The following LRGUK variants were observed in gnomAD, a reference collection of about 807,000 sequenced individuals.
LRGUK encodes leucine-rich repeat and guanylate kinase domain-containing protein.
Under a neutral mutation model 76.0 loss-of-function variants are expected in LRGUK, and 65 were observed. The ratio of observed to expected loss-of-function variants is 0.85; its 90% CI spans 0.70 to 1.05. LRGUK has a LOEUF of 1.05. Ranked by LOEUF, LRGUK falls within the 50% of genes least tolerant of loss-of-function variation. LRGUK has a pLI of 0.00. For synonymous variants in LRGUK, 268 were observed against 265.6 expected, an observed-to-expected ratio of 1.01 and a Z score of -0.09; for missense variants, 758 against 732.8, an observed-to-expected ratio of 1.03 and a Z score of -0.40.
rs1798566291 is a variant in LRGUK, at chr7:134,158,168, A to G, written c.795+9A>G. 1.9e-6 allele frequency: 3 copies of G among 1,609,056 alleles called. No homozygotes were observed. In the African/African-American group the frequency reaches 4.0e-5, roughly 21 times the overall value. On this transcript the variant is annotated intron_variant, in intron 6 of 15. Transcript: ENST00000645682. ...TCAAAATACTTTGTCTGGTGAGTCTAACAAAATGCTGTTCTTTATAGAAGT... is the reference window on the plus strand; with the variant it reads ...TCAAAATACTTTGTCTGGTGAGTCTGACAAAATGCTGTTCTTTATAGAAGT...
chr7:134,165,441 G>A (rs913734004), intron 7 of LRGUK, among the ~76,000 whole-genome samples: 17 of 152,182 alleles, frequency 1.1e-4, no homozygotes, highest in African/African-American at 4.1e-4. Context: ...CCTCCCTTCT[G>A]AAAGGGCCTG....
chr7:134,164,900 T>C (rs930842818), intron 7 of LRGUK, among the ~76,000 whole-genome samples: 1 of 152,234 alleles, frequency 6.6e-6, no homozygotes, highest in African/African-American at 2.4e-5. Flanking sequence ...TTTTGGCAAC[T>C]TCTCCAGTTA....
At chr7:134,182,253 G>A (rs974273930) in intron 10 of LRGUK, among the ~76,000 whole-genome samples, 1 of 152,156 alleles carries the variant, frequency 6.6e-6, no homozygotes, top group Non-Finnish European at 1.5e-5. Context: ...CTGCTTACCT[G>A]TTGAAAGACA....
At chr7:134,137,662 G>GT (rs1457030784) in intron 2 of LRGUK, among the ~76,000 whole-genome samples, 47 of 152,184 alleles carry the variant, frequency 3.1e-4, no homozygotes, top group African/African-American at 1.1e-3. Flanking sequence ...ACTCATCATA[G>GT]AGTAGCACAA....
rs922927001 is a variant in LRGUK at position 134,224,699 on chromosome 7, TA to T, written c.1983+2791del. On this transcript the variant is annotated intron_variant, in intron 16 of 19. Coordinates refer to the LRGUK transcript ENST00000285928. ...ATACCCCTGAACTTAAAATAAAAGC[TA>T]AAAAAAAAATGTCCAATCTAAATAT... 1.3e-3 allele frequency among the ~76,000 whole-genome samples: 195 copies of T among 148,358 alleles called. 3 individuals carry two copies. Among genetic ancestry groups the T allele is most frequent in the South Asian group, 4.9e-3 (23 of 4,672 alleles).
At chr7:134,131,926 A>G (rs759370788) in intron 1 of LRGUK, among the ~76,000 whole-genome samples, 2 of 152,200 alleles carry the variant, frequency 1.3e-5, no homozygotes, top group Non-Finnish European at 1.5e-5. Context: ...GAATAGACCC[A>G]TAAAGGTACA....
chr7:134,249,756 C>T (rs949591402), intron 18 of LRGUK, among the ~76,000 whole-genome samples: 1 of 152,170 alleles, frequency 6.6e-6, no homozygotes, highest in African/African-American at 2.4e-5. Context: ...CACAACAGAG[C>T]CTCCATTGCT....
intron 6 of LRGUK, among the ~76,000 whole-genome samples, chr7:134,161,294 A>G (rs1012735529): frequency 6.6e-6 from 1 of 152,088 alleles, no homozygotes; most frequent in African/African-American, 2.4e-5. Flanking sequence ...ATTAATATGG[A>G]TATGACATTA....
At position 134,191,758 on chromosome 7, in the gene LRGUK, A is replaced by T. The variant is rs998947458; in HGVS notation, c.1431+7A>T. 6.3e-7 allele frequency: 1 copy of T among 1,575,730 alleles called. No homozygotes were observed. The stretch of plus-strand genomic sequence containing the variant: ...TGATGAAATGGTGAACATGGTAAGA[A>T]TGTTTGCCTTTGTTTTTATTGCACA... On this transcript the variant is annotated splice_region_variant and intron_variant, in intron 12 of 15. Transcript: ENST00000645682.
Position 134,173,116 on chromosome 7 carries a change from T to TAA in LRGUK, c.940-1434_940-1433dup, listed in dbSNP as rs35121046. Reference sequence around the variant, plus strand: ...ACAATAGAAAACAATTGATCCCTTTTAAAAAAAGATAATCCAAATGGCAGA... The same window carrying TAA: ...ACAATAGAAAACAATTGATCCCTTTTAAAAAAAAAGATAATCCAAATGGCAGA... On this transcript the variant is annotated intron_variant, in intron 7 of 15. Transcript: ENST00000645682. 3.3e-5 allele frequency among the ~76,000 whole-genome samples: 5 copies of TAA among 152,204 alleles called. No homozygotes were observed. The East Asian group carries it at 7.7e-4, about 24-fold the overall frequency.
chr7:134,148,263 T>A, exon 5 of LRGUK: 1 of 1,605,956 alleles, frequency 6.2e-7, no homozygotes, highest in South Asian at 1.1e-5. Flanking sequence ...CACAACCAAA[T>A]TTCTGAAATT....
In LRGUK at chr7:134,127,684, C is replaced by G; in HGVS notation, c.297+20C>G. The G allele has an allele frequency of 2.5e-6, 4 of 1,601,968 alleles. No homozygotes were observed. Among genetic ancestry groups the G allele is most frequent in the South Asian group, 2.2e-5 (2 of 89,706 alleles). On this transcript the variant is annotated intron_variant, in intron 1 of 15. Transcript: ENST00000645682. ...TTGGAGGTGTGTCTTCCCCCCCACC[C>G]CGTACTCCCTGGCTCCCTCGTCCAG...
intron 9 of LRGUK, among the ~76,000 whole-genome samples, chr7:134,177,864 T>C (rs150518692): frequency 2.6e-5 from 4 of 152,314 alleles, no homozygotes; most frequent in Admixed American, 2.6e-4. Context: ...GCAAAAGGAA[T>C]ACAATTTAAA....
At chr7:134,212,136 T>C (rs181389989), downstream of LRGUK, among the ~76,000 whole-genome samples, 371 of 152,372 alleles carry the variant, frequency 2.4e-3, no homozygotes, top group Middle Eastern at 6.8e-3. Flanking sequence ...TGAATGAATG[T>C]TCATTAATCC....
rs185249870 is a variant in LRGUK, at chr7:134,186,415, G to A, written c.1334+2562G>A. 4.7e-4 allele frequency among the ~76,000 whole-genome samples: 71 copies of A among 152,300 alleles called. 1 individual carries two copies. The highest frequency in any genetic ancestry group is 8.7e-4 in the African/African-American group (36 of 41,566). ...GTCTGTAGCCCATTGAGGGCAGGGCGCATGTCAGCCTTGTTCACCATTGAG... is the reference window on the plus strand; with the variant it reads ...GTCTGTAGCCCATTGAGGGCAGGGCACATGTCAGCCTTGTTCACCATTGAG... On this transcript the variant is annotated intron_variant, in intron 11 of 15. Transcript: ENST00000645682.
chr7:134,216,265 T>C (rs1040018365), intron 15 of LRGUK, among the ~76,000 whole-genome samples: 4 of 152,198 alleles, frequency 2.6e-5, no homozygotes, highest in Non-Finnish European at 5.9e-5. Context: ...CATTTTCCTG[T>C]TCATTGAAAG....
chr7:134,127,434 T>A (rs1442317861), exon 1 of LRGUK: 1 of 1,613,268 alleles, frequency 6.2e-7, no homozygotes, highest in Non-Finnish European at 8.5e-7. Context: ...CTTGGGCAGA[T>A]CCCGAACTGG....
chr7:134,226,383 C>A (rs1034782515), intron 16 of LRGUK, among the ~76,000 whole-genome samples: 3 of 152,102 alleles, frequency 2.0e-5, no homozygotes, highest in African/African-American at 7.2e-5. Flanking sequence ...CTCTATACCG[C>A]CTCTGTAATC....
At chr7:134,272,785 T>C in the LRGUK span, among the ~76,000 whole-genome samples, 2 of 152,322 alleles carry the variant, frequency 1.3e-5, no homozygotes, top group African/African-American at 2.4e-5. Context: ...ATGATTAAGC[T>C]AGGTAATGCA....
Sources: gnomAD v4.1 joint callset for allele counts (sites outside exome capture counted in the v4.1 genomes callset) on GRCh38, gnomAD v4.1.1 for gene constraint, MANE v1.5 for transcripts, NCBI Gene and HGNC (gene_info 2026-07-23, HGNC 2026-07-21) for gene names.